MACROD1: variants seen among roughly 807,000 people sequenced by gnomAD.
MACROD1 encodes mono-ADP ribosylhydrolase 1.
A neutral mutation model predicts 41.4 loss-of-function variants in MACROD1; 31 were observed. The ratio of observed to expected loss-of-function variants is 0.75; its 90% CI spans 0.56 to 1.01. MACROD1 has a LOEUF of 1.01. MACROD1 is among the 50% of genes least tolerant of loss of function. The pLI is 0.00. For synonymous variants in MACROD1, 252 were observed against 203.4 expected (o/e 1.24, Z -2.03); for missense variants, 473 against 460.0 (o/e 1.03, Z -0.26).
rs542080124 is a variant in MACROD1 at position 64,010,647 on chromosome 11, G to T, written c.547+4605C>A. ...GGGGTGTTGGTTGGAGTGTTGTTTG[G>T]GGTGTTAGTTGGGGTGCTGGCTGGT... On this transcript the variant is annotated intron_variant, in intron 4 of 10. Transcript: ENST00000255681. Among the ~76,000 whole-genome samples the T allele has an allele frequency of 4.6e-5, 7 of 151,096 alleles. No homozygotes were observed. The East Asian group carries it at 1.4e-3, about 30-fold the overall frequency.
rs1052283466 is a variant in MACROD1 at position 64,146,278 on chromosome 11, C to T, written c.517+4961G>A. Among the ~76,000 whole-genome samples the T allele has an allele frequency of 1.3e-5, 2 of 152,160 alleles. No individual in the cohort carries two copies. The highest frequency in any genetic ancestry group is 1.9e-4 in the East Asian group (1 of 5,192). On this transcript the variant is annotated intron_variant, in intron 3 of 10. Transcript: ENST00000255681. The surrounding 1 kb of genome is among the most constrained non-coding windows in gnomAD (Gnocchi z 4.7). ...CACCCCCTAGTGGATACCCTGAGAC[C>T]GGCGCTCTCCCCAGACACAGGACTG... is the stretch of plus-strand genomic sequence containing the variant.
rs575525664 is a variant in MACROD1, at chr11:64,126,495, C to G, written c.517+24744G>C. ...AAGTTATCTGAAAGAGCCCGTACCCCCTATAAACACGGCAGAGGAATGTCT... is the reference window on the plus strand; with the variant it reads ...AAGTTATCTGAAAGAGCCCGTACCCGCTATAAACACGGCAGAGGAATGTCT... On this transcript the variant is annotated intron_variant, in intron 3 of 10. Transcript: ENST00000255681. 7.2e-5 allele frequency among the ~76,000 whole-genome samples: 11 copies of G among 152,274 alleles called. No homozygotes were observed. In the East Asian group the frequency reaches 1.5e-3, roughly 21 times the overall value.
chr11:64,101,956 T>G (rs1476283624), intron 3 of MACROD1, among the ~76,000 whole-genome samples: 1 of 152,126 alleles, frequency 6.6e-6, no homozygotes, highest in Non-Finnish European at 1.5e-5. Flanking sequence ...CCAAATGCCT[T>G]CCCTGCCAGG....
At chr11:64,033,537 A>AT (rs887844739) in intron 3 of MACROD1, among the ~76,000 whole-genome samples, 7 of 150,144 alleles carry the variant, frequency 4.7e-5, no homozygotes, top group South Asian at 2.1e-4. Flanking sequence ...CAGGTGCCTA[A>AT]TTTTTTTTTT....
chr11:64,143,101 G>T (rs1945436355), intron 3 of MACROD1, among the ~76,000 whole-genome samples: 1 of 110,462 alleles, frequency 9.1e-6, no homozygotes, highest in African/African-American at 3.5e-5. Flanking sequence ...GGAACAGTGT[G>T]ACCCTGTCAA....
intron 3 of MACROD1, among the ~76,000 whole-genome samples, chr11:64,055,465 AG>A (rs927835115): frequency 2.6e-5 from 4 of 152,262 alleles, no homozygotes; most frequent in Admixed American, 2.6e-4. Context: ...CCTGGGGCCC[AG>A]GGTCTGCTTG....
At chr11:64,129,844 T>A (rs1160537285) in intron 3 of MACROD1, among the ~76,000 whole-genome samples, 1 of 152,082 alleles carries the variant, frequency 6.6e-6, no homozygotes, top group Non-Finnish European at 1.5e-5. Flanking sequence ...TCAGCCAGGT[T>A]TGGGCCGCAC....
At position 64,148,760 on chromosome 11, in the gene MACROD1, T is replaced by A. The variant is rs538730765; in HGVS notation, c.517+2479A>T. The A allele has an allele frequency of 5.1e-6, 5 of 985,776 alleles. No homozygotes were observed. In the African/African-American group the frequency reaches 8.7e-5, roughly 17 times the overall value. 61.1% of individuals were successfully genotyped at this position (985,776 alleles called of 1,614,324 possible). A position where few individuals can be genotyped will look rare whatever the true frequency, so the allele number is the denominator to read the frequency against. On this transcript the variant is annotated intron_variant, in intron 3 of 10. Coordinates refer to ENST00000255681, the MANE Select transcript of MACROD1 (RefSeq NM_014067.4). ...GAAAAGCCCTGCCGTTGCCAACGAC[T>A]TTTATTCCACTAATAAACAGGCTGA...
intron 3 of MACROD1, among the ~76,000 whole-genome samples, chr11:64,126,299 C>G (rs1299339468): frequency 2.0e-5 from 3 of 152,174 alleles, no homozygotes; most frequent in Non-Finnish European, 4.4e-5. Context: ...GAGGAAGCCA[C>G]ACGGCCCAGC....
chr11:64,020,662 G>C (rs550356039), intron 3 of MACROD1, among the ~76,000 whole-genome samples: 1 of 151,988 alleles, frequency 6.6e-6, no homozygotes, highest in Non-Finnish European at 1.5e-5. Context: ...CTGGCCCCCG[G>C]TGATGCTCTC....
chr11:64,143,008 G>C lies in MACROD1; in HGVS notation c.517+8231C>G, dbSNP rs552590985. Among the ~76,000 whole-genome samples the C allele has an allele frequency of 2.8e-4, 43 of 151,918 alleles. 1 individual carries two copies. In the South Asian group the frequency reaches 8.8e-3, roughly 31 times the overall value. On this transcript the variant is annotated intron_variant, in intron 3 of 10. Transcript: ENST00000255681. The stretch of plus-strand genomic sequence containing the variant: ...GCATGCCTGTGGTCCCTGCTACTCA[G>C]GATGCTGAGATGGGAGGAACGCTTG...
chr11:64,129,467 C>T (rs992825517), intron 3 of MACROD1, among the ~76,000 whole-genome samples: 27 of 152,318 alleles, frequency 1.8e-4, no homozygotes, highest in African/African-American at 5.3e-4. Context: ...CGTGGGAGGC[C>T]GGGTTGCCTA....
intron 3 of MACROD1, among the ~76,000 whole-genome samples, chr11:64,037,418 G>T (rs1943403292): frequency 6.6e-6 from 1 of 152,200 alleles, no homozygotes; most frequent in South Asian, 2.1e-4. Context: ...CGCCAGCCCC[G>T]GGAGGAGAGG....
intron 3 of MACROD1, chr11:64,138,642 C>T (rs1945365431): frequency 4.1e-6 from 3 of 735,944 alleles, no homozygotes; most frequent in Admixed American, 6.2e-5. Flanking sequence ...CGATGCCGCT[C>T]GGCTCTGGTT....
At chr11:64,083,665 G>A (rs1305183490) in intron 3 of MACROD1, among the ~76,000 whole-genome samples, 1 of 152,220 alleles carries the variant, frequency 6.6e-6, no homozygotes, top group Non-Finnish European at 1.5e-5. Flanking sequence ...CCAACGCCGG[G>A]TCAGAGCTAG....
At chr11:64,006,935 G>A (rs1233719418) in intron 4 of MACROD1, among the ~76,000 whole-genome samples, 1 of 152,198 alleles carries the variant, frequency 6.6e-6, no homozygotes, top group African/African-American at 2.4e-5. Context: ...ATGCCTGGCT[G>A]CCGTTGGCAC....
chr11:64,130,412 GT>G (rs928937183), intron 3 of MACROD1, among the ~76,000 whole-genome samples: 6 of 152,152 alleles, frequency 3.9e-5, no homozygotes. Flanking sequence ...CTACCACTGG[GT>G]TCTGGAAGCT....
At chr11:64,128,877 A>G (rs989031715) in intron 3 of MACROD1, among the ~76,000 whole-genome samples, 2 of 152,208 alleles carry the variant, frequency 1.3e-5, no homozygotes, top group Non-Finnish European at 2.9e-5. Flanking sequence ...CCCCGTAAAC[A>G]GGAATGAAGA....
chr11:64,147,626 T>C (rs972003066), intron 3 of MACROD1, among the ~76,000 whole-genome samples: 16 of 152,184 alleles, frequency 1.1e-4, no homozygotes, highest in Admixed American at 9.8e-4. Flanking sequence ...TTTCGCCATG[T>C]TGGCCAGGCT....
Sources: gnomAD v4.1 joint callset for allele counts (sites outside exome capture counted in the v4.1 genomes callset) on GRCh38, gnomAD v4.1.1 for gene constraint, Gnocchi (gnomAD v3.1) non-coding constraint, MANE v1.5 for transcripts, NCBI Gene and HGNC (gene_info 2026-07-23, HGNC 2026-07-21) for gene names.